IQCM: variants seen among roughly 807,000 people sequenced by gnomAD.
IQCM encodes the protein IQ domain-containing protein M.
In IQCM, 45 loss-of-function variants were observed where a neutral mutation model predicts 57.6. The ratio of observed to expected loss-of-function variants is 0.78; its 90% CI spans 0.62 to 1.00. The LOEUF (loss-of-function observed/expected upper bound fraction) is 1.00. Ranked by LOEUF, IQCM falls within the 50% of genes least tolerant of loss-of-function variation. IQCM has a pLI of 0.00. For synonymous variants in IQCM, 148 were observed against 158.9 expected (o/e 0.93, Z 0.51); for missense variants, 468 against 511.6 (o/e 0.91, Z 0.82).
At chr4:149,443,619 A>G (rs1035392661) in intron 12 of IQCM, among the ~76,000 whole-genome samples, 1 of 151,346 alleles carries the variant, frequency 6.6e-6, no homozygotes, top group African/African-American at 2.4e-5. Context: ...AGAGCGCAAT[A>G]AAATTGAATT....
chr4:149,416,114 C>G (rs141526967), intron 13 of IQCM, among the ~76,000 whole-genome samples: 9 of 151,576 alleles, frequency 5.9e-5, no homozygotes, highest in African/African-American at 1.5e-4. Flanking sequence ...GTGCTTATGA[C>G]CCATAAAAAA....
intron 7 of IQCM, among the ~76,000 whole-genome samples, chr4:149,679,403 G>C (rs1429177241): frequency 1.3e-5 from 2 of 151,500 alleles, no homozygotes; most frequent in Non-Finnish European, 3.0e-5. Context: ...ATGAAAATAA[G>C]ATGTAAATAT....
intron 13 of IQCM, among the ~76,000 whole-genome samples, chr4:149,431,032 A>G (rs1203986802): frequency 6.6e-6 from 1 of 151,608 alleles, no homozygotes; most frequent in Non-Finnish European, 1.5e-5. Context: ...AAAACCCCAA[A>G]TCTACTAAAA....
chr4:149,791,396 T>G (rs541395993), intron 2 of IQCM, among the ~76,000 whole-genome samples: 1 of 152,288 alleles, frequency 6.6e-6, no homozygotes, highest in East Asian at 1.9e-4. Flanking sequence ...GAGAGCTATC[T>G]CCTCAAGGAT....
chr4:149,510,803 T>G (rs1744327040), intron 12 of IQCM, among the ~76,000 whole-genome samples: 1 of 152,202 alleles, frequency 6.6e-6, no homozygotes, highest in Non-Finnish European at 1.5e-5. Flanking sequence ...TATAGTGTCA[T>G]AGAGTGCCCT....
At chr4:149,675,967 A>G (rs1007760565) in intron 7 of IQCM, among the ~76,000 whole-genome samples, 14 of 152,048 alleles carry the variant, frequency 9.2e-5, no homozygotes, top group African/African-American at 3.4e-4. Context: ...CAGGCCACAC[A>G]GAGAGTTGGT....
chr4:149,789,460 T>G (rs1341692682), intron 2 of IQCM, among the ~76,000 whole-genome samples: 2 of 152,180 alleles, frequency 1.3e-5, no homozygotes, highest in Admixed American at 1.3e-4. Flanking sequence ...GTCATTCCAT[T>G]TTAATGGTCT....
chr4:149,594,472 C>T (rs1753558561), intron 8 of IQCM, among the ~76,000 whole-genome samples: 1 of 152,110 alleles, frequency 6.6e-6, no homozygotes, highest in Non-Finnish European at 1.5e-5. Context: ...CTGCTCTGAT[C>T]TTAGTTATTT....
At chr4:149,649,629 A>G (rs1170181803) in intron 7 of IQCM, among the ~76,000 whole-genome samples, 1 of 152,202 alleles carries the variant, frequency 6.6e-6, no homozygotes, top group African/African-American at 2.4e-5. Context: ...CCTCATTCAA[A>G]TTGTCAAATT....
intron 12 of IQCM, among the ~76,000 whole-genome samples, chr4:149,498,807 T>C (rs996626630): frequency 6.6e-6 from 1 of 152,138 alleles, no homozygotes; most frequent in Non-Finnish European, 1.5e-5. Flanking sequence ...CAGGCCATGC[T>C]CACTTTCCCA....
chr4:149,456,314 A>G (rs1737696079), intron 12 of IQCM, among the ~76,000 whole-genome samples: 1 of 152,094 alleles, frequency 6.6e-6, no homozygotes, highest in Admixed American at 6.6e-5. Context: ...TTCTTGGATT[A>G]TGGATTGAGT....
chr4:149,431,386 T>G (rs1734846415), intron 13 of IQCM, among the ~76,000 whole-genome samples: 1 of 152,038 alleles, frequency 6.6e-6, no homozygotes, highest in South Asian at 2.1e-4. Context: ...GATATCTCAC[T>G]GTGGTTTAAT....
At chr4:149,701,693 C>CA (rs557930016) in intron 5 of IQCM, among the ~76,000 whole-genome samples, 291 of 151,170 alleles carry the variant, frequency 1.9e-3, no homozygotes, top group Non-Finnish European at 2.6e-3. Flanking sequence ...ATGTGGGTGC[C>CA]AAAAAAATCA....
chr4:149,462,842 G>A (rs1013793134), intron 12 of IQCM, among the ~76,000 whole-genome samples: 4 of 152,194 alleles, frequency 2.6e-5, no homozygotes, highest in African/African-American at 9.6e-5. Flanking sequence ...AACTCTAGAA[G>A]GCAGACTGCT....
intron 2 of IQCM, among the ~76,000 whole-genome samples, chr4:149,775,481 T>C (rs1204700424): frequency 6.6e-6 from 1 of 152,208 alleles, no homozygotes; most frequent in Non-Finnish European, 1.5e-5. Context: ...CTAAATAATC[T>C]GAGATAAAAC....
Position 149,550,779 on chromosome 4 carries a change from A to T in IQCM, c.1094-2190T>A, listed in dbSNP as rs1044371689. Among the ~76,000 whole-genome samples, 25 of 152,186 alleles carry T rather than the reference A, an allele frequency of 1.6e-4. 1 individual carries two copies. The highest frequency in any genetic ancestry group is 1.5e-5 in the Non-Finnish European group (1 of 68,030). On this transcript the variant is annotated intron_variant, in intron 11 of 13. Transcript: ENST00000636793. ...GAAAGGATGAAGAATTTTCTAAGTA[A>T]CATGAAGACAAATTAGAACTTGCAA...
intron 2 of IQCM, among the ~76,000 whole-genome samples, chr4:149,764,727 G>A (rs902850683): frequency 6.6e-6 from 1 of 152,010 alleles, no homozygotes; most frequent in African/African-American, 2.4e-5. Context: ...GCAGGAACAG[G>A]TACTAGAGAC....
intron 13 of IQCM, among the ~76,000 whole-genome samples, chr4:149,405,849 A>ATG (rs1161670330): frequency 2.0e-3 from 291 of 145,662 alleles, no homozygotes; most frequent in African/African-American, 6.3e-3. Context: ...ATATATATAT[A>ATG]TGCTCCAGAT....
At chr4:149,467,623 G>A (rs569267756) in intron 12 of IQCM, among the ~76,000 whole-genome samples, 2 of 152,314 alleles carry the variant, frequency 1.3e-5, no homozygotes, top group South Asian at 2.1e-4. Flanking sequence ...CAAGCCTCAT[G>A]CAGAATTCCC....
Sources: gnomAD v4.1 joint callset for allele counts (sites outside exome capture counted in the v4.1 genomes callset) on GRCh38, gnomAD v4.1.1 for gene constraint, MANE v1.5 for transcripts, NCBI Gene and HGNC (gene_info 2026-07-23, HGNC 2026-07-21) for gene names.